Variants in CNTN5 observed in about 807,000 individuals in gnomAD.
CNTN5 encodes the protein contactin-5.
A neutral mutation model predicts 129.1 loss-of-function variants in CNTN5; 77 were observed. The ratio of observed to expected loss-of-function variants is 0.60; its 90% CI spans 0.50 to 0.72. The LOEUF is 0.72. CNTN5 is among the 30% of genes least tolerant of loss of function. The pLI, the probability that CNTN5 is intolerant of heterozygous loss-of-function variation, is 0.00. For synonymous variants in CNTN5, 509 were observed against 465.6 expected, an observed-to-expected ratio of 1.09 and a Z score of -1.20; for missense variants, 1,478 against 1,328.8, an observed-to-expected ratio of 1.11 and a Z score of -1.75.
At chr11:99,840,448 C>G (rs1343940172) in intron 4 of CNTN5, among the ~76,000 whole-genome samples, 1 of 151,832 alleles carries the variant, frequency 6.6e-6, no homozygotes, top group African/African-American at 2.4e-5. Context: ...AAGAAGTATA[C>G]TTGAGAAGTC....
rs559861633 is a variant in CNTN5, at chr11:100,132,846, C to A, written c.1581-58280C>A. Among the ~76,000 whole-genome samples, 14 of 152,084 alleles carry A rather than the reference C, an allele frequency of 9.2e-5. No individual in the cohort carries two copies. In the East Asian group the frequency reaches 2.7e-3, roughly 29 times the overall value. ...ATACAATCTATCTGCCTTGAGAAAG[C>A]AAATATTTATGATTACACAGTTTTT... On this transcript the variant is annotated intron_variant, in intron 13 of 24. Transcript: ENST00000524871.
intron 3 of CNTN5, among the ~76,000 whole-genome samples, chr11:99,774,023 T>A (rs1038320597): frequency 6.6e-6 from 1 of 152,136 alleles, no homozygotes; most frequent in Non-Finnish European, 1.5e-5. Context: ...AACCCCACTC[T>A]GATTCTTCCT....
intron 1 of CNTN5, among the ~76,000 whole-genome samples, chr11:99,149,147 C>T (rs555003515): frequency 4.6e-5 from 7 of 152,250 alleles, no homozygotes; most frequent in African/African-American, 1.7e-4. Flanking sequence ...AACATTTTAG[C>T]TACTCTTGAG....
intron 1 of CNTN5, among the ~76,000 whole-genome samples, chr11:99,136,182 T>A (rs1224209222): frequency 2.0e-5 from 3 of 152,134 alleles, no homozygotes; most frequent in African/African-American, 7.2e-5. Flanking sequence ...AATTACCATT[T>A]GTGTCCTTCT....
intron 3 of CNTN5, among the ~76,000 whole-genome samples, chr11:99,579,243 T>C (rs977287899): frequency 1.4e-4 from 22 of 151,982 alleles, no homozygotes; most frequent in Admixed American, 2.0e-4. Flanking sequence ...CCTTGTAGTA[T>C]AGTTTGAAGT....
chr11:99,304,094 T>C (rs1318600269), intron 1 of CNTN5, among the ~76,000 whole-genome samples: 2 of 152,136 alleles, frequency 1.3e-5, no homozygotes, highest in African/African-American at 4.8e-5. Flanking sequence ...ATGACAGTTT[T>C]TCTTGATCTG....
rs539534723 is a variant in CNTN5, at chr11:100,339,377, T to C, written c.2731-1086T>C. On this transcript the variant is annotated intron_variant, in intron 21 of 24. Coordinates refer to ENST00000524871, the MANE Select transcript of CNTN5 (RefSeq NM_014361.4). ...GTGGAGAAGGGAGCTGGAAAGGGGA[T>C]GGGAAGGGCAGGTTGCCTTCCCTAA... 2.6e-5 allele frequency among the ~76,000 whole-genome samples: 4 copies of C among 152,136 alleles called. No individual in the cohort carries two copies. In the East Asian group the frequency reaches 7.8e-4, roughly 30 times the overall value.
At chr11:99,521,610 CTT>C (rs1947278692) in intron 2 of CNTN5, among the ~76,000 whole-genome samples, 1 of 152,110 alleles carries the variant, frequency 6.6e-6, no homozygotes, top group African/African-American at 2.4e-5. Context: ...ATAAAGTTTG[CTT>C]TAACTGCGTT....
intron 2 of CNTN5, among the ~76,000 whole-genome samples, chr11:99,328,637 G>A (rs1865878329): frequency 1.3e-5 from 2 of 152,022 alleles, no homozygotes; most frequent in Non-Finnish European, 2.9e-5. Context: ...TTGGAAGGCC[G>A]AGATGGGTGG....
intron 1 of CNTN5, among the ~76,000 whole-genome samples, chr11:99,323,055 G>A (rs73538982): frequency 0.015 from 2,258 of 152,174 alleles, 53 homozygotes; most frequent in African/African-American, 0.052. Flanking sequence ...AATATAGGTT[G>A]GCAAAGGTCA....
Position 100,071,727 on chromosome 11 carries a change from G to T in CNTN5, c.1322G>T (p.Gly441Val). ...SPQSRVEMVN[G>V]VLMIHNVNQS... ...CAGAGTAGGGTTGAGATGGTTAATG[G>T]AGTATTGATGATCCACAATGTGAAT... The change falls in exon 12 of 25, where the codon GGA becomes GTA. Residue 441 changes from glycine to valine, a missense_variant. Gly to Val is a moderately radical substitution (Grantham distance 109, BLOSUM62 -3). Transcript: ENST00000524871. 1 of 1,593,050 alleles carries T rather than the reference G, an allele frequency of 6.3e-7. No individual in the cohort carries two copies. Among genetic ancestry groups the T allele is most frequent in the South Asian group, 1.1e-5 (1 of 87,764 alleles).
chr11:99,420,215 G>C (rs1160099084), intron 2 of CNTN5, among the ~76,000 whole-genome samples: 1 of 151,986 alleles, frequency 6.6e-6, no homozygotes, highest in Non-Finnish European at 1.5e-5. Flanking sequence ...TGAACAATTA[G>C]TCATCTGGTC....
chr11:99,175,226 T>G (rs867110842), intron 1 of CNTN5, among the ~76,000 whole-genome samples: 12 of 152,082 alleles, frequency 7.9e-5, no homozygotes, highest in African/African-American at 2.9e-4. Flanking sequence ...AGAATGAGAC[T>G]CTGTCCTCCC....
chr11:99,556,815 G>A (rs1466433818), intron 3 of CNTN5, among the ~76,000 whole-genome samples: 1 of 150,440 alleles, frequency 6.6e-6, no homozygotes, highest in Admixed American at 6.6e-5. Flanking sequence ...CACCTTCTCT[G>A]ACTTTGTTGT....
chr11:100,049,609 C>A (rs1427075288), intron 9 of CNTN5, among the ~76,000 whole-genome samples: 2 of 151,976 alleles, frequency 1.3e-5, no homozygotes, highest in African/African-American at 2.4e-5. Context: ...GCAACAAAAG[C>A]CAGAATTGAC....
intron 4 of CNTN5, among the ~76,000 whole-genome samples, chr11:99,840,264 A>G (rs1362007482): frequency 1.3e-5 from 2 of 152,184 alleles, no homozygotes; most frequent in Non-Finnish European, 2.9e-5. Context: ...GAAAGAATAC[A>G]TACATCTTAA....
intron 3 of CNTN5, among the ~76,000 whole-genome samples, chr11:99,744,543 TAAAA>T (rs553540845): frequency 0.029 from 1,071 of 37,476 alleles, 13 homozygotes; most frequent in African/African-American, 0.073. Context: ...TACAAAAAGT[TAAAA>T]AAAAAAAAAA....
At chr11:99,099,253 T>A (rs1484659238) in intron 1 of CNTN5, among the ~76,000 whole-genome samples, 1 of 152,120 alleles carries the variant, frequency 6.6e-6, no homozygotes, top group Non-Finnish European at 1.5e-5. Context: ...CAAATATGAA[T>A]TAATCTTAAA....
chr11:99,877,150 T>C (rs968288382), intron 6 of CNTN5, among the ~76,000 whole-genome samples: 2 of 152,028 alleles, frequency 1.3e-5, no homozygotes, highest in African/African-American at 4.8e-5. Flanking sequence ...CCTTTGGAAA[T>C]TAACTTTAAA....
Sources: gnomAD v4.1 joint callset for allele counts (sites outside exome capture counted in the v4.1 genomes callset) on GRCh38, gnomAD v4.1.1 for gene constraint, MANE v1.5 for transcripts, NCBI Gene and HGNC (gene_info 2026-07-23, HGNC 2026-07-21) for gene names.